UNC5C: variants seen among roughly 807,000 people sequenced by gnomAD.
UNC5C encodes the protein netrin receptor UNC5C.
Under a neutral mutation model 99.8 loss-of-function variants are expected in UNC5C, and 47 were observed. The observed-to-expected ratio is 0.47, with a 90% confidence interval of 0.37 to 0.60. UNC5C has a LOEUF of 0.60. Ranked by LOEUF, UNC5C falls within the 20% of genes least tolerant of loss-of-function variation. UNC5C has a pLI of 0.00. For synonymous variants in UNC5C, 487 were observed against 452.2 expected, an observed-to-expected ratio of 1.08 and a Z score of -0.98; for missense variants, 1,062 against 1,165.9, an observed-to-expected ratio of 0.91 and a Z score of 1.30.
rs1412995339 is a variant in UNC5C at position 95,532,551 on chromosome 4, TGC to T, written c.124+16181_124+16182del. 1.1e-4 allele frequency among the ~76,000 whole-genome samples: 16 copies of T among 151,816 alleles called. No homozygotes were observed. The East Asian group carries it at 1.9e-3, about 18-fold the overall frequency. ...AACTCATCAATTCCTGTACTCATCATGCTGGCCTACCAACTGGGGACACAGGG... is the reference window on the plus strand; with the variant it reads ...AACTCATCAATTCCTGTACTCATCATTGGCCTACCAACTGGGGACACAGGG... On this transcript the variant is annotated intron_variant, in intron 1 of 15. Transcript: ENST00000453304.
intron 1 of UNC5C, among the ~76,000 whole-genome samples, chr4:95,376,992 G>T (rs1744915225): frequency 1.3e-5 from 2 of 152,110 alleles, no homozygotes; most frequent in Admixed American, 1.3e-4. Flanking sequence ...TTCTCCACTT[G>T]CAGGCCTTAC....
intron 1 of UNC5C, among the ~76,000 whole-genome samples, chr4:95,443,258 G>A (rs988890014): frequency 1.3e-5 from 2 of 152,146 alleles, no homozygotes; most frequent in Admixed American, 6.5e-5. Context: ...AGATCAGAAA[G>A]GACACAGCCA....
chr4:95,262,248 A>G (rs897263288), intron 4 of UNC5C, among the ~76,000 whole-genome samples: 1 of 152,204 alleles, frequency 6.6e-6, no homozygotes, highest in African/African-American at 2.4e-5. Context: ...TCAAAACTGA[A>G]GGAGGGCCTA....
intron 10 of UNC5C, among the ~76,000 whole-genome samples, chr4:95,212,376 T>C (rs949900254): frequency 6.6e-6 from 1 of 152,214 alleles, no homozygotes; most frequent in African/African-American, 2.4e-5. Context: ...CCTTTGATTT[T>C]TGAGATCCTA....
At chr4:95,433,147 C>T (rs1424811247) in intron 1 of UNC5C, among the ~76,000 whole-genome samples, 3 of 152,076 alleles carry the variant, frequency 2.0e-5, no homozygotes, top group Admixed American at 2.0e-4. Context: ...TTGATGCATT[C>T]TAGTCTAAGA....
At chr4:95,423,874 A>G (rs920116229) in intron 1 of UNC5C, among the ~76,000 whole-genome samples, 2 of 152,182 alleles carry the variant, frequency 1.3e-5, no homozygotes, top group Non-Finnish European at 2.9e-5. Flanking sequence ...TAATCTTCTA[A>G]AGTTAAGGAT....
At chr4:95,244,047 A>C (rs907190379) in intron 6 of UNC5C, among the ~76,000 whole-genome samples, 2 of 152,278 alleles carry the variant, frequency 1.3e-5, no homozygotes, top group Admixed American at 6.5e-5. Flanking sequence ...GATTATGTAT[A>C]TCTCTCCAGT....
At chr4:95,499,951 T>C (rs1279386372) in intron 1 of UNC5C, among the ~76,000 whole-genome samples, 1 of 138,786 alleles carries the variant, frequency 7.2e-6, no homozygotes, top group Admixed American at 7.5e-5. Context: ...AGATTTAAAT[T>C]TCAGGAAACA....
Position 95,202,971 on chromosome 4 carries a change from G to A in UNC5C, c.1903-7C>T, listed in dbSNP as rs1292281688. 18 of 1,613,908 alleles carry A rather than the reference G, an allele frequency of 1.1e-5. No homozygotes were observed. The highest frequency in any genetic ancestry group is 1.1e-4 in the East Asian group (5 of 44,878). ...CCCCGACCACCACCACATCCTGGGGGACAAGAGGGAAGGGCCATGGCTAAG... is the reference window on the plus strand; with the variant it reads ...CCCCGACCACCACCACATCCTGGGGAACAAGAGGGAAGGGCCATGGCTAAG... On this transcript the variant is annotated splice_polypyrimidine_tract_variant and splice_region_variant and intron_variant, in intron 11 of 15. Transcript: ENST00000453304.
intron 1 of UNC5C, among the ~76,000 whole-genome samples, chr4:95,402,836 C>G (rs1745737537): frequency 6.6e-6 from 1 of 152,168 alleles, no homozygotes; most frequent in Non-Finnish European, 1.5e-5. Flanking sequence ...TTAGAGTCCC[C>G]TAGTCTAAAG....
At chr4:95,489,581 G>A (rs1236447606) in intron 1 of UNC5C, among the ~76,000 whole-genome samples, 1 of 151,756 alleles carries the variant, frequency 6.6e-6, no homozygotes, top group Non-Finnish European at 1.5e-5. Flanking sequence ...GCAAGAAACA[G>A]TTAGATTACT....
intron 3 of UNC5C, among the ~76,000 whole-genome samples, chr4:95,289,739 C>A (rs565259273): frequency 6.6e-6 from 1 of 152,228 alleles, no homozygotes; most frequent in African/African-American, 2.4e-5. Flanking sequence ...ATGCTTAAAT[C>A]ACCAAATCTG....
chr4:95,425,466 C>T (rs1157895055), intron 1 of UNC5C, among the ~76,000 whole-genome samples: 2 of 152,172 alleles, frequency 1.3e-5, no homozygotes, highest in African/African-American at 2.4e-5. Context: ...GGACTACAGG[C>T]GCTCGCCACC....
chr4:95,341,369 G>A (rs2626055), intron 1 of UNC5C, among the ~76,000 whole-genome samples: 84,468 of 151,580 alleles, frequency 0.56, 26,101 homozygotes, highest in East Asian at 0.99. Flanking sequence ...ATAAGAAAGT[G>A]GATTTGTACG....
At chr4:95,253,651 G>C (rs1451739224) in intron 4 of UNC5C, among the ~76,000 whole-genome samples, 2 of 152,128 alleles carry the variant, frequency 1.3e-5, no homozygotes, top group Admixed American at 1.3e-4. Context: ...AGAAGCAAAG[G>C]GTCCTACAGC....
intron 1 of UNC5C, among the ~76,000 whole-genome samples, chr4:95,367,746 A>G (rs1744616980): frequency 6.6e-6 from 1 of 152,140 alleles, no homozygotes; most frequent in South Asian, 2.1e-4. Context: ...AACTTTTCAC[A>G]TAGGCTAATT....
At chr4:95,183,702 G>GGGAA (rs1736710372) in intron 13 of UNC5C, among the ~76,000 whole-genome samples, 1 of 151,800 alleles carries the variant, frequency 6.6e-6, no homozygotes, top group Admixed American at 6.6e-5. Context: ...TTTCAATAAA[G>GGGAA]GAAAGAAAAG....
intron 1 of UNC5C, among the ~76,000 whole-genome samples, chr4:95,528,344 A>T (rs1318965134): frequency 6.6e-6 from 1 of 152,132 alleles, no homozygotes; most frequent in Non-Finnish European, 1.5e-5. Context: ...TTTCGCACCC[A>T]TGGAGATTCA....
At chr4:95,449,311 A>G (rs1484610229) in intron 1 of UNC5C, among the ~76,000 whole-genome samples, 2 of 152,212 alleles carry the variant, frequency 1.3e-5, no homozygotes, top group Non-Finnish European at 2.9e-5. Context: ...TGTCATGACC[A>G]CCAAAATTCC....
Sources: gnomAD v4.1 joint callset for allele counts (sites outside exome capture counted in the v4.1 genomes callset) on GRCh38, gnomAD v4.1.1 for gene constraint, MANE v1.5 for transcripts, NCBI Gene and HGNC (gene_info 2026-07-23, HGNC 2026-07-21) for gene names.